The following TTBK1 variants were observed in gnomAD, a reference collection of about 807,000 sequenced individuals.
TTBK1 encodes the protein tau-tubulin kinase 1.
Under a neutral mutation model 108.5 loss-of-function variants are expected in TTBK1, and 34 were observed. The observed-to-expected ratio is 0.31, with a 90% CI of 0.24 to 0.42. The LOEUF (loss-of-function observed/expected upper bound fraction) is 0.42, where lower values mean the gene tolerates loss of function less well. Ranked by LOEUF, TTBK1 falls within the 10% of genes least tolerant of loss-of-function variation. TTBK1 has a pLI of 1.00. For synonymous variants in TTBK1, 809 were observed against 795.1 expected (o/e 1.02, Z -0.29); for missense variants, 1,539 against 1,826.0 (o/e 0.84, Z 2.86).
chr6:43,279,603 T>C (rs951934947), intron 13 of TTBK1, among the ~76,000 whole-genome samples: 1 of 151,722 alleles, frequency 6.6e-6, no homozygotes, highest in East Asian at 1.9e-4. Flanking sequence ...AGCCATAACA[T>C]TGGTGACTGG....
intron 2 of TTBK1, among the ~76,000 whole-genome samples, chr6:43,250,286 T>G (rs904848566): frequency 6.6e-6 from 1 of 151,920 alleles, no homozygotes; most frequent in South Asian, 2.1e-4. Flanking sequence ...GTCCACAGTT[T>G]CTGTAACATT....
At chr6:43,264,900 G>T (rs1167555430) in intron 13 of TTBK1, among the ~76,000 whole-genome samples, 1 of 152,074 alleles carries the variant, frequency 6.6e-6, no homozygotes, top group Non-Finnish European at 1.5e-5. Flanking sequence ...AACTCCTTGT[G>T]TGGGAGGACT....
At chr6:43,278,645 A>AC (rs1281666881) in intron 13 of TTBK1, among the ~76,000 whole-genome samples, 9 of 152,182 alleles carry the variant, frequency 5.9e-5, no homozygotes, top group African/African-American at 2.2e-4. Context: ...GAAGGTGTGA[A>AC]TTTTGTCAGA....
intron 1 of TTBK1, among the ~76,000 whole-genome samples, chr6:43,245,869 A>G (rs1216433664): frequency 6.6e-6 from 1 of 151,966 alleles, no homozygotes; most frequent in Non-Finnish European, 1.5e-5. Flanking sequence ...TCCCCAGTTC[A>G]GCCCACTTCT....
Position 43,283,060 on chromosome 6 carries a change from G to A in TTBK1, c.2320G>A (p.Ala774Thr). The change falls in exon 14 of 15, where the codon GCG (alanine) becomes ACG (threonine). Residue 774 changes from alanine to threonine, a missense_variant. Ala to Thr is a moderately conservative substitution (Grantham distance 58, BLOSUM62 0). Transcript: ENST00000259750. This position sits in a 1 kb window ranked among gnomAD's most constrained non-coding sequence, Gnocchi z 8.1. ...EEEEEEEEAA[A>T]AVALGEVLGP... ...GGAGGAAGAGGAGGAGGAGGCTGCA[G>A]CGGCAGTTGCCTTGGGGGAGGTGCT... is the stretch of plus-strand genomic sequence containing the variant. The A allele has an allele frequency of 6.3e-7, 1 of 1,588,646 alleles. No individual in the cohort carries two copies. The highest frequency in any genetic ancestry group is 8.6e-7 in the Non-Finnish European group (1 of 1,167,620).
intron 9 of TTBK1, 114 bp downstream of exon 9, chr6:43,255,970 TC>T: frequency 7.4e-7 from 1 of 1,347,208 alleles, no homozygotes; most frequent in Non-Finnish European, 1.0e-6. Flanking sequence ...CCCAAGCCTC[TC>T]CCCTTGGTCT....
intron 13 of TTBK1, among the ~76,000 whole-genome samples, chr6:43,279,839 C>G (rs1399864731): frequency 6.6e-6 from 1 of 151,934 alleles, no homozygotes; most frequent in Non-Finnish European, 1.5e-5. Context: ...GGTGCGATCA[C>G]AGCTCACTGC....
rs757981137 is a variant in TTBK1, at chr6:43,252,909, T to C, written c.256+23T>C. 1.4e-5 allele frequency: 23 copies of C among 1,610,646 alleles called. No homozygotes were observed. In the South Asian group the frequency reaches 2.5e-4, roughly 18 times the overall value. The stretch of plus-strand genomic sequence containing the variant: ...AAGGTTCGGGCCTCGGGCAGGGGGA[T>C]GGGAAGGAAGAGATGATGAAGCCAG... On this transcript the variant is annotated intron_variant, in intron 3 of 14. Transcript: ENST00000259750.
chr6:43,260,695 C>T (rs569617434), intron 12 of TTBK1, among the ~76,000 whole-genome samples: 1 of 152,216 alleles, frequency 6.6e-6, no homozygotes, highest in South Asian at 2.1e-4. Context: ...ATGAGACAGT[C>T]CTGAAGGGCT....
At chr6:43,266,350 T>C (rs1777676388) in intron 13 of TTBK1, among the ~76,000 whole-genome samples, 1 of 152,264 alleles carries the variant, frequency 6.6e-6, no homozygotes, top group African/African-American at 2.4e-5. Context: ...TTTCTATTGA[T>C]GGTAACAATT....
intron 2 of TTBK1, among the ~76,000 whole-genome samples, chr6:43,252,051 A>T (rs976380386): frequency 2.0e-5 from 3 of 152,140 alleles, no homozygotes; most frequent in Non-Finnish European, 4.4e-5. Context: ...GGATGGGGGA[A>T]CATGATATTT....
At chr6:43,261,480 G>C (rs1467544579) in intron 12 of TTBK1, among the ~76,000 whole-genome samples, 6 of 152,194 alleles carry the variant, frequency 3.9e-5, no homozygotes, top group Admixed American at 3.9e-4. Flanking sequence ...ATGACCCCAA[G>C]TTGAGAAGCT....
At position 43,284,184 on chromosome 6, in the gene TTBK1, G is replaced by C; in HGVS notation, c.3444G>C (p.Arg1148Ser). ...CGGCCTTGCCCAGGAAGAGCGGGAG[G>C]GCAGCCGCCACCAGGAGCCGGATTC... ...PAAALPRKSG[R>S]AAATRSRIPR... is the part of the protein sequence containing the mutation. Residue 1148 changes from arginine (R) to serine (S), a missense_variant, in exon 14 of 15, where the codon AGG becomes AGC. Transcript: ENST00000259750. The C allele has an allele frequency of 6.4e-7, 1 of 1,569,238 alleles. No homozygotes were observed. The highest frequency in any genetic ancestry group is 1.3e-5 in the African/African-American group (1 of 74,370).
At chr6:43,271,687 T>TG (rs1238113571) in intron 13 of TTBK1, 1 of 985,308 alleles carries the variant, frequency 1.0e-6, no homozygotes, top group Non-Finnish European at 1.2e-6. Flanking sequence ...CATTGTGGTA[T>TG]GGCTCATCCA....
At chr6:43,266,896 G>T (rs1048419164) in intron 13 of TTBK1, among the ~76,000 whole-genome samples, 17 of 152,154 alleles carry the variant, frequency 1.1e-4, no homozygotes, top group African/African-American at 4.1e-4. Flanking sequence ...GATTACAGGC[G>T]TGAGCCATCG....
intron 14 of TTBK1, among the ~76,000 whole-genome samples, 161 bp downstream of exon 14, chr6:43,284,473 G>C (rs6458330): frequency 0.3 from 45,296 of 151,988 alleles, 8,001 homozygotes; most frequent in African/African-American, 0.49. Context: ...GCCTCACTCT[G>C]ATTCGGGTTC....
intron 14 of TTBK1, 42 bp downstream of exon 14, chr6:43,284,354 C>T: frequency 6.9e-7 from 1 of 1,449,272 alleles, no homozygotes; most frequent in South Asian, 1.3e-5. Context: ...AGAGGGTGGC[C>T]ACAGGCCTCC....
intron 13 of TTBK1, chr6:43,270,554 C>T (rs780479859): frequency 2.9e-4 from 285 of 985,328 alleles, no homozygotes; most frequent in Admixed American, 5.5e-4. Flanking sequence ...TGTGACCTAG[C>T]GAGACTTTCT....
chr6:43,255,000 T>C, intron 6 of TTBK1, 49 bp from the exon 7 acceptor site: 1 of 1,570,598 alleles, frequency 6.4e-7, no homozygotes, highest in Non-Finnish European at 8.7e-7. Context: ...GAGAGGTGGC[T>C]GAGGTGAGGG....
Sources: allele counts gnomAD v4.1 joint callset (sites outside exome capture counted in the v4.1 genomes callset), GRCh38; gene constraint gnomAD v4.1.1; non-coding constraint Gnocchi (gnomAD v3.1); transcripts MANE v1.5; gene names NCBI Gene and HGNC (gene_info 2026-07-23, HGNC 2026-07-21).